OR1M1: variants seen among roughly 807,000 people sequenced by gnomAD.
OR1M1 encodes the protein olfactory receptor family 1 subfamily M member 1.
For synonymous variants in OR1M1, 157 were observed against 165.5 expected (o/e 0.95, Z 0.39); for missense variants, 397 against 401.8 (o/e 0.99, Z 0.10).
At chr19:9,089,402 C>T (rs996058382) in intron 1 of OR1M1, among the ~76,000 whole-genome samples, 1 of 148,686 alleles carries the variant, frequency 6.7e-6, no homozygotes, top group Non-Finnish European at 1.5e-5. Context: ...AATAGTTTTC[C>T]ATTGTGTATT....
Position 9,094,321 on chromosome 19 carries a change from T to C in OR1M1, c.*135T>C. 1.7e-6 allele frequency: 1 copy of C among 597,844 alleles called. No individual in the cohort carries two copies. The highest frequency in any genetic ancestry group is 2.9e-6 in the Non-Finnish European group (1 of 343,376). The allele number at this position is 597,844 out of a possible 1,614,324, so 37.0% of individuals were successfully genotyped here. A position where few individuals can be genotyped will look rare whatever the true frequency, so the allele number is the denominator to read the frequency against. ...ATTATTATTATTTAGAGATGGGGTC[T>C]CACTATGTTGCCCGTGCTGGAGTGC... is the stretch of plus-strand genomic sequence containing the variant. On this transcript the variant is annotated 3_prime_UTR_variant, in exon 2 of 2. Transcript: ENST00000641627.
At position 9,093,757 on chromosome 19, in the gene OR1M1, C is replaced by G. The variant is rs755237502; in HGVS notation, c.513C>G (p.Ser171Arg). 1 of 1,613,946 alleles carries G rather than the reference C, an allele frequency of 6.2e-7. No homozygotes were observed. The highest frequency in any genetic ancestry group is 1.1e-5 in the South Asian group (1 of 91,084). Residue 171 changes from serine (S) to arginine (R), a missense_variant, in exon 2 of 2, where the codon AGC becomes AGG. Coordinates refer to ENST00000641627, the MANE Select transcript of OR1M1 (RefSeq NM_001004456.2). ...LLMARLVFCG[S>R]HEVPHYFCDL... Reference sequence around the variant, plus strand: ...TGGCCCGTCTCGTTTTCTGCGGCAGCCATGAGGTGCCTCACTACTTCTGCG... The same window carrying G: ...TGGCCCGTCTCGTTTTCTGCGGCAGGCATGAGGTGCCTCACTACTTCTGCG...
chr19:9,090,923 T>C (rs1343314967), intron 1 of OR1M1, among the ~76,000 whole-genome samples: 1 of 151,478 alleles, frequency 6.6e-6, no homozygotes, highest in African/African-American at 2.4e-5. Context: ...TCCCAGCACT[T>C]TGAGAGGCCA....
In OR1M1 at chr19:9,095,023, C is replaced by T. The variant is rs895776194; in HGVS notation, c.*837C>T. ...TTTACCATGTGGGCCAGGCTGTTCT[C>T]GACCTCCTGACCTCAAATGATCCAC... is the stretch of plus-strand genomic sequence containing the variant. On this transcript the variant is annotated 3_prime_UTR_variant, in exon 2 of 2. Coordinates refer to ENST00000641627, the MANE Select transcript of OR1M1 (RefSeq NM_001004456.2). 1.3e-5 allele frequency: 2 copies of T among 152,224 alleles called. No individual in the cohort carries two copies. The highest frequency in any genetic ancestry group is 2.9e-5 in the Non-Finnish European group (2 of 68,158). The allele number at this position is 152,224 out of a possible 1,614,324, so 9.4% of individuals were successfully genotyped here. A position where few individuals can be genotyped will look rare whatever the true frequency, so the allele number is the denominator to read the frequency against.
Position 9,093,252 on chromosome 19 carries a change from C to T in OR1M1, c.8C>T (p.Pro3Leu), listed in dbSNP as rs757326160. ME[P>L]RNQTSASQFI... ...TCCAGAGGAATCACACCCATGGAAC[C>T]AAGAAACCAAACCAGTGCATCTCAA... Residue 3 changes from proline (P) to leucine (L), a missense_variant, in exon 2 of 2, where the codon CCA becomes CTA. Transcript: ENST00000641627. 3.1e-6 allele frequency: 5 copies of T among 1,603,746 alleles called. No individual in the cohort carries two copies. Among genetic ancestry groups the T allele is most frequent in the African/African-American group, 2.7e-5 (2 of 74,612 alleles).
Position 9,093,588 on chromosome 19 carries a change from T to C in OR1M1, c.344T>C (p.Ile115Thr). 1 of 1,614,082 alleles carries C rather than the reference T, an allele frequency of 6.2e-7. No homozygotes were observed. The highest frequency in any genetic ancestry group is 8.5e-7 in the Non-Finnish European group (1 of 1,179,960). ...HFFGIVDSVI[I>T]AMMAYDRFVA... Reference sequence around the variant, plus strand: ...TTTGGCATCGTGGACAGCGTCATAATCGCCATGATGGCTTATGACCGGTTC... The same window carrying C: ...TTTGGCATCGTGGACAGCGTCATAACCGCCATGATGGCTTATGACCGGTTC... Residue 115 changes from isoleucine to threonine, a missense_variant, in exon 2 of 2, where the codon ATC (isoleucine) becomes ACC (threonine). By Grantham distance (89) the Ile-to-Thr change is moderately conservative (BLOSUM62 -1). Transcript: ENST00000641627.
Position 9,094,355 on chromosome 19 carries a change from G to A in OR1M1, c.*169G>A. On this transcript the variant is annotated 3_prime_UTR_variant, in exon 2 of 2. Coordinates refer to ENST00000641627, the MANE Select transcript of OR1M1 (RefSeq NM_001004456.2). ...TGCCCGTGCTGGAGTGCAGTGGCGT[G>A]ATCATAGATCACTGCAGCTTCAAAC... 2 of 541,596 alleles carry A rather than the reference G, an allele frequency of 3.7e-6. No homozygotes were observed. Among genetic ancestry groups the A allele is most frequent in the South Asian group, 5.4e-5 (2 of 37,146 alleles). The allele number at this position is 541,596 out of a possible 1,614,324, so 33.5% of individuals were successfully genotyped here.
In OR1M1 at chr19:9,087,122, C is replaced by T. The variant is rs1568295786; in HGVS notation, c.-49C>T. The T allele has an allele frequency of 6.6e-6, 1 of 151,666 alleles. No homozygotes were observed. Among genetic ancestry groups the T allele is most frequent in the Non-Finnish European group, 1.5e-5 (1 of 68,028 alleles). The allele number at this position is 151,666 out of a possible 1,614,324, so 9.4% of individuals were successfully genotyped here. On this transcript the variant is annotated 5_prime_UTR_variant, in exon 1 of 2. Transcript: ENST00000641627. ...GACACTGAGCCAGTTTAACTCATGCCTGGGTGATGGTGTCAAGAAGAGGAA... is the reference window on the plus strand; with the variant it reads ...GACACTGAGCCAGTTTAACTCATGCTTGGGTGATGGTGTCAAGAAGAGGAA...
In OR1M1 at chr19:9,093,453, A is replaced by G. The variant is rs2050306423; in HGVS notation, c.209A>G (p.Asp70Gly). 1.2e-6 allele frequency: 2 copies of G among 1,613,790 alleles called. No individual in the cohort carries two copies. Among genetic ancestry groups the G allele is most frequent in the African/African-American group, 2.7e-5 (2 of 74,826 alleles). The change falls in exon 2 of 2, where the codon GAT becomes GGT. Residue 70 changes from aspartate to glycine, a missense_variant. Asp to Gly is a moderately conservative substitution (Grantham distance 94, BLOSUM62 -1). Coordinates refer to ENST00000641627, the MANE Select transcript of OR1M1 (RefSeq NM_001004456.2). ...YFFLANLSLV[D>G]FCLATNTIPK... ...TTCCTGGCCAACCTGTCCCTGGTTG[A>G]TTTCTGTCTGGCCACCAACACCATC...
chr19:9,093,446 C>G lies in OR1M1; in HGVS notation c.202C>G (p.Leu68Val). Residue 68 changes from leucine to valine, a missense_variant, in exon 2 of 2, where the codon CTG (leucine) becomes GTG (valine). Physicochemically the swap from Leu to Val is conservative, Grantham distance 32 (BLOSUM62 1). Coordinates refer to ENST00000641627, the MANE Select transcript of OR1M1 (RefSeq NM_001004456.2). Reference sequence around the variant, plus strand: ...GTACTTCTTCCTGGCCAACCTGTCCCTGGTTGATTTCTGTCTGGCCACCAA... The same window carrying G: ...GTACTTCTTCCTGGCCAACCTGTCCGTGGTTGATTTCTGTCTGGCCACCAA... ...PMYFFLANLSLVDFCLATNTI... is the reference protein window; with the variant it reads ...PMYFFLANLSVVDFCLATNTI... 2 of 1,614,128 alleles carry G rather than the reference C, an allele frequency of 1.2e-6. No homozygotes were observed. The highest frequency in any genetic ancestry group is 2.2e-5 in the South Asian group (2 of 91,076).
rs775254909 is a variant in OR1M1, at chr19:9,093,849, T to G, written c.605T>G (p.Val202Gly). Residue 202 changes from valine to glycine, a missense_variant, in exon 2 of 2, where the codon GTG becomes GGG. Transcript: ENST00000641627. The part of the protein sequence containing the change: ...TSVNRIFILI[V>G]AGMVIATPFV... ...GTGAATAGGATCTTCATCCTCATTG[T>G]GGCAGGGATGGTGATAGCCACGCCC... 3.7e-6 allele frequency: 6 copies of G among 1,614,030 alleles called. No homozygotes were observed. In the Admixed American group the frequency reaches 1.0e-4, roughly 27 times the overall value.
At chr19:9,093,181 C>T (rs1229812601) in intron 1 of OR1M1, 51 bp from the exon 2 acceptor site, 1 of 1,212,508 alleles carries the variant, frequency 8.2e-7, no homozygotes, top group Non-Finnish European at 1.2e-6. Context: ...ATCTAACTTT[C>T]CAAAACCATC....
chr19:9,087,889 C>T (rs563919478), intron 1 of OR1M1, among the ~76,000 whole-genome samples: 76 of 151,768 alleles, frequency 5.0e-4, no homozygotes, highest in African/African-American at 1.7e-3. Flanking sequence ...TGTTTTTCTT[C>T]GTAACTAGAC....
rs1330963779 is a variant in OR1M1 at position 9,093,775 on chromosome 19, C to G, written c.531C>G (p.Tyr177Ter). ...GCGGCAGCCATGAGGTGCCTCACTACTTCTGCGACCTCACTCCCATCCTCC... is the reference window on the plus strand; with the variant it reads ...GCGGCAGCCATGAGGTGCCTCACTAGTTCTGCGACCTCACTCCCATCCTCC... ...VFCGSHEVPH[Y>*]FCDLTPILRL... Residue 177 changes from tyrosine to a stop codon, truncating the protein, a stop_gained, in exon 2 of 2, where the codon TAC becomes TAG. Transcript: ENST00000641627. LOFTEE classifies it low-confidence loss of function (END_TRUNC). 6.2e-7 allele frequency: 1 copy of G among 1,613,908 alleles called. No individual in the cohort carries two copies. Among genetic ancestry groups the G allele is most frequent in the East Asian group, 2.2e-5 (1 of 44,852 alleles).
intron 1 of OR1M1, among the ~76,000 whole-genome samples, chr19:9,088,695 G>A (rs1231368509): frequency 1.3e-5 from 2 of 152,096 alleles, no homozygotes; most frequent in African/African-American, 4.8e-5. Context: ...AGACCAGCCT[G>A]GCCAGCATGG....
intron 1 of OR1M1, 185 bp from the exon 2 acceptor site, chr19:9,093,047 A>ATG (rs1461795095): frequency 1.5e-5 from 5 of 335,670 alleles, no homozygotes; most frequent in African/African-American, 1.1e-4. Flanking sequence ...CTATATATAT[A>ATG]TATATACACA....
intron 1 of OR1M1, among the ~76,000 whole-genome samples, chr19:9,088,071 A>G (rs893952298): frequency 1.3e-5 from 2 of 151,738 alleles, no homozygotes; most frequent in Non-Finnish European, 2.9e-5. Flanking sequence ...TTGTATTTTT[A>G]GTGGAGCTGG....
intron 1 of OR1M1, among the ~76,000 whole-genome samples, chr19:9,088,544 T>C (rs1314704065): frequency 2.0e-5 from 3 of 152,136 alleles, no homozygotes; most frequent in Admixed American, 6.6e-5. Context: ...CTTGATTCCA[T>C]TAGTAGTTTA....
At position 9,093,435 on chromosome 19, in the gene OR1M1, C is replaced by T. The variant is rs371208480; in HGVS notation, c.191C>T (p.Ala64Val). 9.9e-5 allele frequency: 160 copies of T among 1,614,068 alleles called. No individual in the cohort carries two copies. Among genetic ancestry groups the T allele is most frequent in the Non-Finnish European group, 1.3e-4 (150 of 1,180,018 alleles). Reference sequence around the variant, plus strand: ...CACACCCCCATGTACTTCTTCCTGGCCAACCTGTCCCTGGTTGATTTCTGT... The same window carrying T: ...CACACCCCCATGTACTTCTTCCTGGTCAACCTGTCCCTGGTTGATTTCTGT... ...HLHTPMYFFL[A>V]NLSLVDFCLA... The change falls in exon 2 of 2, where the codon GCC becomes GTC. Residue 64 changes from alanine to valine, a missense_variant. Physicochemically the swap from Ala to Val is moderately conservative, Grantham distance 64. Transcript: ENST00000641627.
Sources: gnomAD v4.1 joint callset for allele counts (sites outside exome capture counted in the v4.1 genomes callset) on GRCh38, gnomAD v4.1.1 for gene constraint, MANE v1.5 for transcripts, NCBI Gene and HGNC (gene_info 2026-07-23, HGNC 2026-07-21) for gene names.